The following LRRK2 variants were observed in gnomAD, a reference collection of about 807,000 sequenced individuals.
LRRK2 encodes the protein leucine rich repeat kinase 2, also known as leucine-rich repeat serine/threonine-protein kinase 2.
LRRK2 carries 203 observed loss-of-function variants against 302.6 expected under a neutral mutation model. The observed-to-expected ratio is 0.67, with a 90% CI of 0.60 to 0.75. The LOEUF (loss-of-function observed/expected upper bound fraction) is 0.75. LRRK2 is among the 30% of genes least tolerant of loss of function. The pLI is 0.00. For synonymous variants in LRRK2, 1,066 were observed against 1,031.9 expected (o/e 1.03, Z -0.63); for missense variants, 2,830 against 2,951.0 (o/e 0.96, Z 0.95).
chr12:40,250,739 A>G (rs1942227208), intron 8 of LRRK2, among the ~76,000 whole-genome samples: 1 of 152,186 alleles, frequency 6.6e-6, no homozygotes, highest in South Asian at 2.1e-4. Context: ...GCTCCCATTT[A>G]TAAGTGAGAA....
Position 40,323,194 on chromosome 12 carries a change from C to T in LRRK2, c.5544C>T (p.Leu1848=). Residue 1848 remains leucine, a synonymous_variant, in exon 38 of 51, where the codon CTC becomes CTT. Coordinates refer to ENST00000298910, the MANE Select transcript of LRRK2 (RefSeq NM_198578.4). ...TAGTAAATCCAGATCAACCAAGGCT[C>T]ACCATTCCAATATCTCAGATTGCCC... ...DLLVNPDQPR[L]TIPISQIAPD... is the part of the protein sequence containing the mutation. 1.2e-6 allele frequency: 2 copies of T among 1,613,270 alleles called. No homozygotes were observed. The highest frequency in any genetic ancestry group is 1.7e-6 in the Non-Finnish European group (2 of 1,179,422).
intron 38 of LRRK2, among the ~76,000 whole-genome samples, chr12:40,323,622 G>C (rs1326590386): frequency 6.6e-6 from 1 of 152,042 alleles, no homozygotes; most frequent in African/African-American, 2.4e-5. Context: ...TTTCAGGTGA[G>C]TTAAGTGAAG....
chr12:40,245,055 C>G (rs968197330), intron 7 of LRRK2, among the ~76,000 whole-genome samples: 1 of 149,558 alleles, frequency 6.7e-6, no homozygotes, highest in Non-Finnish European at 1.5e-5. Flanking sequence ...GTCTTTTCAC[C>G]GTCTTTATGG....
At chr12:40,319,860 T>C in intron 33 of LRRK2, 128 bp from the exon 34 acceptor site, 4 of 787,382 alleles carry the variant, frequency 5.1e-6, no homozygotes, top group Non-Finnish European at 8.1e-6. Flanking sequence ...AATTAGGTAC[T>C]GTGTTGCACT....
rs761017682 is a variant in LRRK2, at chr12:40,359,302, G to T, written c.6886G>T (p.Val2296Phe). ...APLKILNIGNVSTPLMCLSES... is the reference protein window; with the variant it reads ...APLKILNIGNFSTPLMCLSES... The stretch of plus-strand genomic sequence containing the variant: ...TTTGAAGATACTAAATATAGGAAAT[G>T]TCAGTACTCCATTGATGTGTTTGAG... Residue 2296 changes from valine (V) to phenylalanine (F), a missense_variant, in exon 47 of 51, where the codon GTC becomes TTC. Val to Phe is a conservative substitution (Grantham distance 50). Transcript: ENST00000298910. 2 of 1,612,432 alleles carry T rather than the reference G, an allele frequency of 1.2e-6. No homozygotes were observed. Among genetic ancestry groups the T allele is most frequent in the African/African-American group, 2.7e-5 (2 of 74,730 alleles).
At chr12:40,297,531 AAG>A (rs1944428868) in intron 23 of LRRK2, among the ~76,000 whole-genome samples, 1 of 152,194 alleles carries the variant, frequency 6.6e-6, no homozygotes, top group South Asian at 2.1e-4. Context: ...TTCTGGGGCT[AAG>A]AGTGGTTAAT....
At chr12:40,239,650 G>A (rs758273069) in intron 5 of LRRK2, among the ~76,000 whole-genome samples, 1 of 152,036 alleles carries the variant, frequency 6.6e-6, no homozygotes. Flanking sequence ...CAGGACTCAG[G>A]GGTGACTATA....
intron 14 of LRRK2, among the ~76,000 whole-genome samples, chr12:40,264,615 G>A (rs17519713): frequency 0.01 from 1,547 of 152,258 alleles, 26 homozygotes; most frequent in African/African-American, 0.036. Flanking sequence ...GTGAGACTTC[G>A]TCTCAAAACA....
intron 23 of LRRK2, among the ~76,000 whole-genome samples, 180 bp from the exon 24 acceptor site, chr12:40,298,063 T>C (rs1417188674): frequency 6.6e-6 from 1 of 151,970 alleles, no homozygotes; most frequent in Non-Finnish European, 1.5e-5. Flanking sequence ...GTTTTACCCA[T>C]GCTACAAGCA....
rs376174014 is a variant in LRRK2, at chr12:40,307,812, A to G, written c.3960-655A>G. 9.6e-5 allele frequency among the ~76,000 whole-genome samples: 10 copies of G among 104,188 alleles called. No homozygotes were observed. In the East Asian group the frequency reaches 1.9e-3, roughly 20 times the overall value. The allele number at this position is 104,188 out of a possible 152,430, so 68.4% of individuals were successfully genotyped here. A position where few individuals can be genotyped will look rare whatever the true frequency, so the allele number is the denominator to read the frequency against. On this transcript the variant is annotated intron_variant, in intron 28 of 50. Coordinates refer to ENST00000298910, the MANE Select transcript of LRRK2 (RefSeq NM_198578.4). Reference sequence around the variant, plus strand: ...TTTTTTTTTTTTGAGACTGAGTTTCACTCTTGTCACCCAGGCTGGAGTGCA... The same window carrying G: ...TTTTTTTTTTTTGAGACTGAGTTTCGCTCTTGTCACCCAGGCTGGAGTGCA...
At chr12:40,333,469 G>A (rs1945775002) in intron 39 of LRRK2, among the ~76,000 whole-genome samples, 1 of 152,104 alleles carries the variant, frequency 6.6e-6, no homozygotes, top group Non-Finnish European at 1.5e-5. Context: ...CAGTTTCAGA[G>A]TAAAGTGCAA....
chr12:40,261,210 A>G (rs1440155664), intron 13 of LRRK2, among the ~76,000 whole-genome samples: 1 of 152,196 alleles, frequency 6.6e-6, no homozygotes, highest in East Asian at 1.9e-4. Flanking sequence ...GTAATTAAAA[A>G]CAATAAAAAT....
chr12:40,286,875 TAAC>T (rs975618286), intron 19 of LRRK2, among the ~76,000 whole-genome samples: 1 of 152,062 alleles, frequency 6.6e-6, no homozygotes, highest in African/African-American at 2.4e-5. Flanking sequence ...TTTATAAAAA[TAAC>T]AAGATCCTTT....
intron 44 of LRRK2, among the ~76,000 whole-genome samples, chr12:40,351,937 A>G (rs1164069821): frequency 6.6e-6 from 1 of 152,340 alleles, no homozygotes; most frequent in East Asian, 1.9e-4. Context: ...ACAGAGCCTG[A>G]GATGGGTTAT....
At position 40,306,910 on chromosome 12, in the gene LRRK2, C is replaced by G. The variant is rs913093090; in HGVS notation, c.3959+944C>G. 6.6e-5 allele frequency among the ~76,000 whole-genome samples: 10 copies of G among 152,026 alleles called. No individual in the cohort carries two copies. In the East Asian group the frequency reaches 9.6e-4, roughly 15 times the overall value. ...TATCTTTTGTGCTAATTGTGGCTAC[C>G]CTTCATCCTACCCAATTATTTTTCT... is the stretch of plus-strand genomic sequence containing the variant. On this transcript the variant is annotated intron_variant, in intron 28 of 50. Coordinates refer to ENST00000298910, the MANE Select transcript of LRRK2 (RefSeq NM_198578.4).
intron 40 of LRRK2, among the ~76,000 whole-genome samples, chr12:40,339,034 T>C (rs1529376): frequency 0.038 from 5,841 of 152,266 alleles, 367 homozygotes; most frequent in African/African-American, 0.13. Flanking sequence ...GACTACATCC[T>C]GGAAGAGAGA....
At chr12:40,355,983 T>C in intron 45 of LRRK2, 132 bp from the exon 46 acceptor site, 1 of 641,684 alleles carries the variant, frequency 1.6e-6, no homozygotes, top group Non-Finnish European at 2.7e-6. Flanking sequence ...GTAAATACTC[T>C]AAGAAAAGGG....
At chr12:40,243,429 A>C in intron 6 of LRRK2, 121 bp from the exon 7 acceptor site, 2 of 1,085,980 alleles carry the variant, frequency 1.8e-6, no homozygotes, top group Non-Finnish European at 2.8e-6. Context: ...ATGATGTTTA[A>C]ATTTGGAAAT....
At position 40,365,021 on chromosome 12, in the gene LRRK2, C is replaced by T. The variant is rs201502655; in HGVS notation, c.7361C>T (p.Ser2454Leu). 15 of 1,612,238 alleles carry T rather than the reference C, an allele frequency of 9.3e-6. No individual in the cohort carries two copies. In the African/African-American group the frequency reaches 9.4e-5, roughly 10 times the overall value. ...LIRVIYNFCN[S>L]VRVMMTAQLG... Reference sequence around the variant, plus strand: ...CGTGTAATTTACAACTTTTGTAATTCGGTCAGAGTCATGATGACAGCACAG... The same window carrying T: ...CGTGTAATTTACAACTTTTGTAATTTGGTCAGAGTCATGATGACAGCACAG... Residue 2454 changes from serine to leucine, a missense_variant, in exon 49 of 51, where the codon TCG becomes TTG. Physicochemically the swap from Ser to Leu is moderately radical, Grantham distance 145. Transcript: ENST00000298910.
Sources: allele counts gnomAD v4.1 joint callset (sites outside exome capture counted in the v4.1 genomes callset), GRCh38; gene constraint gnomAD v4.1.1; transcripts MANE v1.5; gene names NCBI Gene and HGNC (gene_info 2026-07-23, HGNC 2026-07-21).